CCSER1: variants seen among roughly 807,000 people sequenced by gnomAD.
CCSER1 encodes serine-rich coiled-coil domain-containing protein 1.
Under a neutral mutation model 82.0 loss-of-function variants are expected in CCSER1, and 41 were observed. The ratio of observed to expected loss-of-function variants is 0.50; its 90% confidence interval spans 0.39 to 0.65. The LOEUF is 0.65. Ranked by LOEUF, CCSER1 falls within the 30% of genes least tolerant of loss-of-function variation. The pLI, the probability that CCSER1 is intolerant of heterozygous loss-of-function variation, is 0.00. For missense variants in CCSER1, 1,119 were observed against 1,064.2 expected, an observed-to-expected ratio of 1.05 and a Z score of -0.72; for synonymous variants, 414 against 383.9, an observed-to-expected ratio of 1.08 and a Z score of -0.92.
At chr4:91,258,533 C>T (rs55891623) in intron 10 of CCSER1, among the ~76,000 whole-genome samples, 1 of 152,156 alleles carries the variant, frequency 6.6e-6, no homozygotes, top group Non-Finnish European at 1.5e-5. Flanking sequence ...GCACTTTAAA[C>T]ATCAGTTGAC....
intron 6 of CCSER1, among the ~76,000 whole-genome samples, chr4:90,701,824 G>A (rs912649244): frequency 7.2e-5 from 11 of 152,162 alleles, no homozygotes; most frequent in Non-Finnish European, 1.3e-4. Flanking sequence ...CATTGATTTT[G>A]TATCCTGAGA....
At chr4:90,416,510 G>C (rs1299767669) in intron 4 of CCSER1, among the ~76,000 whole-genome samples, 2 of 152,092 alleles carry the variant, frequency 1.3e-5, no homozygotes, top group Non-Finnish European at 2.9e-5. Context: ...AATTATGTCT[G>C]TCTCAAAATA....
chr4:90,448,699 A>T (rs1445044912), intron 4 of CCSER1, among the ~76,000 whole-genome samples: 1 of 151,620 alleles, frequency 6.6e-6, no homozygotes, highest in Non-Finnish European at 1.5e-5. Flanking sequence ...ATCAAAATCT[A>T]TTTTTGTTGT....
At chr4:90,928,416 C>T (rs771991421) in intron 9 of CCSER1, among the ~76,000 whole-genome samples, 1 of 152,034 alleles carries the variant, frequency 6.6e-6, no homozygotes, top group Non-Finnish European at 1.5e-5. Flanking sequence ...GACTAAGTCC[C>T]CTCTAGCAGC....
chr4:91,353,193 G>A (rs570610980), intron 10 of CCSER1, among the ~76,000 whole-genome samples: 34 of 152,304 alleles, frequency 2.2e-4, no homozygotes, highest in South Asian at 4.1e-4. Context: ...AGCCAGGAGC[G>A]TCGGCAAGCT....
intron 10 of CCSER1, among the ~76,000 whole-genome samples, chr4:91,275,104 T>TG (rs1353366777): frequency 4.9e-5 from 7 of 143,350 alleles, no homozygotes; most frequent in African/African-American, 1.8e-4. Flanking sequence ...AGACTCCGTC[T>TG]AAAAAAAAAA....
intron 10 of CCSER1, among the ~76,000 whole-genome samples, chr4:91,098,855 TA>T (rs1229619113): frequency 1.3e-5 from 2 of 149,570 alleles, no homozygotes; most frequent in African/African-American, 4.9e-5. Flanking sequence ...ATTGTTTTTT[TA>T]AAGGGATAAA....
chr4:90,506,231 T>G lies in CCSER1; in HGVS notation c.1724+37877T>G, dbSNP rs559122798. 4.6e-5 allele frequency among the ~76,000 whole-genome samples: 7 copies of G among 152,328 alleles called. No individual in the cohort carries two copies. In the East Asian group the frequency reaches 1.4e-3, roughly 29 times the overall value. The stretch of plus-strand genomic sequence containing the variant: ...GATAACATTAAGTAAAGCCAATGAT[T>G]ATTAAAATTTTTTTTCAGAATTTTC... On this transcript the variant is annotated intron_variant, in intron 5 of 10. Transcript: ENST00000509176.
intron 10 of CCSER1, among the ~76,000 whole-genome samples, chr4:91,497,702 G>T (rs1196052422): frequency 6.6e-6 from 1 of 151,756 alleles, no homozygotes; most frequent in African/African-American, 2.4e-5. Flanking sequence ...GATAGGATAG[G>T]TTTTCTTCAG....
chr4:91,421,025 G>A lies in CCSER1; in HGVS notation c.2218-177547G>A, dbSNP rs564019125. 2.2e-4 allele frequency among the ~76,000 whole-genome samples: 33 copies of A among 152,210 alleles called. 1 individual carries two copies. In the South Asian group the frequency reaches 3.7e-3, roughly 17 times the overall value. The stretch of plus-strand genomic sequence containing the variant: ...AAAGTCTAACTTACAGAAGCAGAGC[G>A]TAGAATTGTGGTTCCCAGTGGCTGG... On this transcript the variant is annotated intron_variant, in intron 10 of 10. Coordinates refer to ENST00000509176, the MANE Select transcript of CCSER1 (RefSeq NM_001145065.2).
At chr4:90,147,262 A>G (rs552512514) in intron 1 of CCSER1, among the ~76,000 whole-genome samples, 2 of 149,988 alleles carry the variant, frequency 1.3e-5, no homozygotes, top group African/African-American at 2.4e-5. Context: ...CAACAACCCT[A>G]TGAGATAGGT....
At chr4:91,163,288 C>G (rs1731643261) in intron 10 of CCSER1, among the ~76,000 whole-genome samples, 1 of 152,202 alleles carries the variant, frequency 6.6e-6, no homozygotes, top group Non-Finnish European at 1.5e-5. Flanking sequence ...ACACTATGGT[C>G]TTAGAGACAG....
intron 10 of CCSER1, among the ~76,000 whole-genome samples, chr4:91,341,959 T>G (rs1271971084): frequency 6.6e-6 from 1 of 152,222 alleles, no homozygotes; most frequent in Non-Finnish European, 1.5e-5. Flanking sequence ...GCATCTACAT[T>G]AATTGCTGTT....
At position 91,603,239 on chromosome 4, in the gene CCSER1, T is replaced by G. The variant is rs1764873244; in HGVS notation, c.*4182T>G. On this transcript the variant is annotated 3_prime_UTR_variant, in exon 11 of 11. Coordinates refer to ENST00000509176, the MANE Select transcript of CCSER1 (RefSeq NM_001145065.2). Reference sequence around the variant, plus strand: ...AAACAGCTCTCTTCTTTAATAATATTCATCATTGCCAAATGTTTATTTTTG... The same window carrying G: ...AAACAGCTCTCTTCTTTAATAATATGCATCATTGCCAAATGTTTATTTTTG... 1 of 152,116 alleles carries G rather than the reference T, an allele frequency of 6.6e-6. No individual in the cohort carries two copies. The highest frequency in any genetic ancestry group is 6.6e-5 in the Admixed American group (1 of 15,244). The allele number at this position is 152,116 out of a possible 1,614,324, so 9.4% of individuals were successfully genotyped here. A position where few individuals can be genotyped will look rare whatever the true frequency, so the allele number is the denominator to read the frequency against.
intron 7 of CCSER1, among the ~76,000 whole-genome samples, chr4:90,799,474 C>T (rs540725710): frequency 1.7e-4 from 26 of 152,040 alleles, no homozygotes; most frequent in African/African-American, 5.3e-4. Context: ...GGTGTGTGGC[C>T]GTAGGCGTCG....
chr4:90,266,927 G>A (rs370561998), intron 1 of CCSER1, among the ~76,000 whole-genome samples: 1 of 151,722 alleles, frequency 6.6e-6, no homozygotes, highest in Non-Finnish European at 1.5e-5. Flanking sequence ...GGGGCTATAA[G>A]GAGAGGCCTC....
chr4:91,092,336 A>G (rs1324460303), intron 10 of CCSER1, among the ~76,000 whole-genome samples: 1 of 152,188 alleles, frequency 6.6e-6, no homozygotes, highest in East Asian at 1.9e-4. Flanking sequence ...GGGTTACTTC[A>G]TGAGCTTTTT....
At chr4:90,890,585 T>G (rs965713940) in intron 8 of CCSER1, among the ~76,000 whole-genome samples, 11 of 152,144 alleles carry the variant, frequency 7.2e-5, no homozygotes, top group Non-Finnish European at 1.0e-4. Flanking sequence ...ACCAATGACT[T>G]GGCCTGGACT....
intron 10 of CCSER1, among the ~76,000 whole-genome samples, chr4:91,238,305 C>A (rs902485199): frequency 2.6e-5 from 4 of 152,082 alleles, no homozygotes; most frequent in Admixed American, 2.6e-4. Flanking sequence ...CATGTCAGAG[C>A]TAAGAGCAGT....
Sources: allele counts gnomAD v4.1 joint callset (sites outside exome capture counted in the v4.1 genomes callset), GRCh38; gene constraint gnomAD v4.1.1; transcripts MANE v1.5; gene names NCBI Gene and HGNC (gene_info 2026-07-23, HGNC 2026-07-21).